PTBP2: variants seen among roughly 807,000 people sequenced by gnomAD.
The protein encoded by PTBP2 is polypyrimidine tract binding protein 2.
A neutral mutation model predicts 61.4 loss-of-function variants in PTBP2; 13 were observed. The observed-to-expected ratio is 0.21, with a 90% CI of 0.14 to 0.34. The LOEUF is 0.34. PTBP2 is among the 10% of genes least tolerant of loss of function. The pLI, the probability that PTBP2 is intolerant of heterozygous loss-of-function variation, is 1.00. For missense variants in PTBP2, 405 were observed against 642.6 expected (o/e 0.63, Z 4.00); for synonymous variants, 215 against 218.5 (o/e 0.98, Z 0.14).
At chr1:96,800,331 G>A (rs1413526647) in intron 8 of PTBP2, among the ~76,000 whole-genome samples, 1 of 149,682 alleles carries the variant, frequency 6.7e-6, no homozygotes, top group Non-Finnish European at 1.5e-5. Context: ...TTTCTGTCTA[G>A]AAGATTGGTA....
At chr1:96,742,572 G>A (rs1653176827) in intron 2 of PTBP2, among the ~76,000 whole-genome samples, 1 of 151,108 alleles carries the variant, frequency 6.6e-6, no homozygotes. Flanking sequence ...GTTGGGGGCA[G>A]TGGAGGGATT....
intron 11 of PTBP2, 112 bp downstream of exon 11, chr1:96,807,070 G>A (rs946894373): frequency 2.7e-6 from 2 of 737,264 alleles, no homozygotes; most frequent in African/African-American, 3.7e-5. Context: ...TTATTTTAAT[G>A]GCCAGGGCTC....
chr1:96,736,425 G>T (rs1652188366), intron 2 of PTBP2, among the ~76,000 whole-genome samples: 1 of 152,110 alleles, frequency 6.6e-6, no homozygotes, highest in African/African-American at 2.4e-5. Flanking sequence ...AGACACTGGA[G>T]TTTGAGTTCT....
At chr1:96,749,986 C>T (rs1166387869) in intron 2 of PTBP2, among the ~76,000 whole-genome samples, 3 of 152,034 alleles carry the variant, frequency 2.0e-5, no homozygotes, top group Admixed American at 6.6e-5. Flanking sequence ...AGCTAGGAAA[C>T]ATTTTCTGTG....
At chr1:96,810,973 T>G (rs1420469540) in intron 11 of PTBP2, among the ~76,000 whole-genome samples, 1 of 152,122 alleles carries the variant, frequency 6.6e-6, no homozygotes, top group East Asian at 1.9e-4. Flanking sequence ...TTGTTTTGTT[T>G]TTTTTCTGTG....
chr1:96,760,464 T>TTTTG (rs1214612088), intron 3 of PTBP2, among the ~76,000 whole-genome samples: 1 of 142,826 alleles, frequency 7.0e-6, no homozygotes, highest in African/African-American at 2.6e-5. Flanking sequence ...TTTTTTTTTT[T>TTTTG]GAGACAGAGT....
At chr1:96,811,598 GT>G (rs576169655) in intron 11 of PTBP2, among the ~76,000 whole-genome samples, 182 of 152,204 alleles carry the variant, frequency 1.2e-3, no homozygotes, top group African/African-American at 4.3e-3. Flanking sequence ...TGTATTTTTA[GT>G]AGAGATGGGG....
chr1:96,801,355 G>A (rs926504452), intron 8 of PTBP2, among the ~76,000 whole-genome samples: 1 of 152,064 alleles, frequency 6.6e-6, no homozygotes, highest in African/African-American at 2.4e-5. Context: ...CACTCCATAT[G>A]TATAAAGCAT....
chr1:96,749,055 G>A (rs375625776), intron 2 of PTBP2, among the ~76,000 whole-genome samples: 8 of 151,800 alleles, frequency 5.3e-5, no homozygotes, highest in African/African-American at 1.2e-4. Context: ...CTCTCTTAAC[G>A]GCAGGTATGA....
chr1:96,762,863 G>T (rs1262645993), intron 3 of PTBP2, among the ~76,000 whole-genome samples: 2 of 151,672 alleles, frequency 1.3e-5, no homozygotes, highest in African/African-American at 2.4e-5. Flanking sequence ...CTTCTCAGAT[G>T]GGGCGGCCGG....
chr1:96,721,907 G>A, intron 1 of PTBP2, 35 bp downstream of exon 1: 1 of 1,569,640 alleles, frequency 6.4e-7, no homozygotes, highest in Non-Finnish European at 8.6e-7. Context: ...GTGTGTGTGA[G>A]AGAGGAGTTG....
chr1:96,806,523 C>G lies in PTBP2; in HGVS notation c.1078+71C>G, dbSNP rs1011639820. 2.0e-5 allele frequency: 30 copies of G among 1,484,786 alleles called. No homozygotes were observed. In the Middle Eastern group the frequency reaches 5.1e-4, roughly 25 times the overall value. 92.0% of individuals were successfully genotyped at this position (1,484,786 alleles called of 1,614,324 possible). A position where few individuals can be genotyped will look rare whatever the true frequency, so the allele number is the denominator to read the frequency against. On this transcript the variant is annotated intron_variant, in intron 10 of 13. Coordinates refer to ENST00000674951, the MANE Select transcript of PTBP2 (RefSeq NM_021190.4). ...GTTTCACCTTAATTCTTATTTGTAG[C>G]TAGCACTTTGGCTTAAAGTTGAATA...
Position 96,813,351 on chromosome 1 carries a change from T to C in PTBP2, c.1542T>C (p.Tyr514=). ...AGGCCTTGATTGATCTTCATAATTA[T>C]AACCTTGGAGAAAACCATCATCTGA... ...AIQALIDLHN[Y]NLGENHHLRV... Residue 514 remains tyrosine (Y), a synonymous_variant, in exon 14 of 14, where the codon TAT becomes TAC. Coordinates refer to ENST00000674951, the MANE Select transcript of PTBP2 (RefSeq NM_021190.4). 1 of 1,605,226 alleles carries C rather than the reference T, an allele frequency of 6.2e-7. No homozygotes were observed.
At chr1:96,822,332 C>CA (rs1662707342) in exon 14 of PTBP2, 1 of 151,894 alleles carries the variant, frequency 6.6e-6, no homozygotes, top group South Asian at 2.1e-4. Flanking sequence ...AAGTTGGGGA[C>CA]AAAAAAGGAC....
chr1:96,775,689 T>TTG (rs201814351), intron 5 of PTBP2, among the ~76,000 whole-genome samples: 188 of 152,110 alleles, frequency 1.2e-3, no homozygotes, highest in African/African-American at 4.1e-3. Context: ...TTGTGTCCTT[T>TTG]TGTGTGTGTG....
intron 2 of PTBP2, among the ~76,000 whole-genome samples, chr1:96,732,514 T>C: frequency 6.6e-6 from 1 of 152,326 alleles, no homozygotes; most frequent in Non-Finnish European, 1.5e-5. Context: ...CATATACACT[T>C]AATATTTAAT....
At chr1:96,771,619 G>A (rs1231973210) in intron 5 of PTBP2, 1 of 151,726 alleles carries the variant, frequency 6.6e-6, no homozygotes, top group Admixed American at 6.6e-5. Context: ...TTGATGATGA[G>A]TTTTTAATTT....
chr1:96,744,149 G>A (rs920890209), intron 2 of PTBP2, among the ~76,000 whole-genome samples: 3 of 152,012 alleles, frequency 2.0e-5, no homozygotes, highest in Non-Finnish European at 2.9e-5. Flanking sequence ...ACTTGAACCC[G>A]GGAGACAGAG....
exon 14 of PTBP2, chr1:96,822,122 C>T (rs574149070): frequency 6.6e-6 from 1 of 152,266 alleles, no homozygotes; most frequent in South Asian, 2.1e-4. Context: ...ACAATTTCTT[C>T]CTATCATGGG....
Sources: allele counts gnomAD v4.1 joint callset (sites outside exome capture counted in the v4.1 genomes callset), GRCh38; gene constraint gnomAD v4.1.1; transcripts MANE v1.5; gene names NCBI Gene and HGNC (gene_info 2026-07-23, HGNC 2026-07-21).